CXCL16: variants seen among roughly 807,000 people sequenced by gnomAD.
The protein encoded by CXCL16 is C-X-C motif chemokine ligand 16.
A neutral mutation model predicts 23.8 loss-of-function variants in CXCL16; 18 were observed. That is an observed-to-expected ratio of 0.76 (90% CI 0.52 to 1.12). The LOEUF (loss-of-function observed/expected upper bound fraction) is 1.12, where lower values mean the gene tolerates loss of function less well. Ranked by LOEUF, CXCL16 falls within the 50% of genes most tolerant of loss-of-function variation. The pLI is 0.00. For synonymous variants in CXCL16, 123 were observed against 132.5 expected (o/e 0.93, Z 0.49); for missense variants, 297 against 315.4 (o/e 0.94, Z 0.44).
Position 4,739,002 on chromosome 17 carries a change from C to T in CXCL16, c.80-82G>A. 6.6e-7 allele frequency: 1 copy of T among 1,513,302 alleles called. No homozygotes were observed. The highest frequency in any genetic ancestry group is 8.9e-7 in the Non-Finnish European group (1 of 1,118,998). The allele number at this position is 1,513,302 out of a possible 1,614,324, so 93.7% of individuals were successfully genotyped here. On this transcript the variant is annotated intron_variant, in intron 1 of 5. Transcript: ENST00000293778. This position sits in a 1 kb window ranked among gnomAD's most constrained non-coding sequence, Gnocchi z 5.3. ...TGTTCCCTGGCATCCAATCCACAGC[C>T]CCATGACAGCCTCTCGGTGGACCCA...
At position 4,738,290 on chromosome 17, in the gene CXCL16, CAGA is replaced by C; in HGVS notation, c.301+115_301+117del. ...CGAGTCTAAGTACTTTGGACAGGATCAGAAGAAGGTTCTAGGAATGTGCGGCCC... is the reference window on the plus strand; with the variant it reads ...CGAGTCTAAGTACTTTGGACAGGATCAGAAGGTTCTAGGAATGTGCGGCCC... On this transcript the variant is annotated intron_variant, in intron 3 of 5. Coordinates refer to ENST00000293778, the MANE Select transcript of CXCL16 (RefSeq NM_001386809.1). This position sits in a 1 kb window ranked among gnomAD's most constrained non-coding sequence, Gnocchi z 4.0. 3 of 757,528 alleles carry C rather than the reference CAGA, an allele frequency of 4.0e-6. No homozygotes were observed. Among genetic ancestry groups the C allele is most frequent in the African/African-American group, 1.7e-5 (1 of 57,512 alleles). 46.9% of individuals were successfully genotyped at this position (757,528 alleles called of 1,614,324 possible). A position where few individuals can be genotyped will look rare whatever the true frequency, so the allele number is the denominator to read the frequency against.
chr17:4,738,257 CAG>C lies in CXCL16; in HGVS notation c.301+149_301+150del. ...GTGAATGATCACCCCGTTTGGCAAACAGGGACTCGAGTCTAAGTACTTTGGAC... is the reference window on the plus strand; with the variant it reads ...GTGAATGATCACCCCGTTTGGCAAACGGACTCGAGTCTAAGTACTTTGGAC... On this transcript the variant is annotated intron_variant, in intron 3 of 5. Transcript: ENST00000293778. This position sits in a 1 kb window ranked among gnomAD's most constrained non-coding sequence, Gnocchi z 4.0. 1 of 624,446 alleles carries C rather than the reference CAG, an allele frequency of 1.6e-6. No homozygotes were observed. 38.7% of individuals were successfully genotyped at this position (624,446 alleles called of 1,614,324 possible).
intron 4 of CXCL16, 107 bp downstream of exon 4, chr17:4,734,985 A>G (rs1567694604): frequency 1.1e-5 from 12 of 1,081,378 alleles, no homozygotes; most frequent in Non-Finnish European, 9.4e-6. Flanking sequence ...CAACCTTGAT[A>G]CTTGTGTGCC....
Position 4,739,742 on chromosome 17 carries a change from C to G in CXCL16, c.-403G>C, listed in dbSNP as rs943981832. On this transcript the variant is annotated 5_prime_UTR_variant, in exon 1 of 6. Transcript: ENST00000293778. The surrounding 1 kb of genome is among the most constrained non-coding windows in gnomAD (Gnocchi z 5.3). ...GGTTCAGGAGGCCGCCCGCCTGGCCCGTCCGCCGACCTGTGAGGCGGCTGC... is the reference window on the plus strand; with the variant it reads ...GGTTCAGGAGGCCGCCCGCCTGGCCGGTCCGCCGACCTGTGAGGCGGCTGC... 21 of 1,052,722 alleles carry G rather than the reference C, an allele frequency of 2.0e-5. No individual in the cohort carries two copies. In the African/African-American group the frequency reaches 2.5e-4, roughly 13 times the overall value. The allele number at this position is 1,052,722 out of a possible 1,614,324, so 65.2% of individuals were successfully genotyped here. A position where few individuals can be genotyped will look rare whatever the true frequency, so the allele number is the denominator to read the frequency against.
At position 4,739,453 on chromosome 17, in the gene CXCL16, A is replaced by G. The variant is rs1489987951; in HGVS notation, c.-114T>C. On this transcript the variant is annotated 5_prime_UTR_variant, in exon 1 of 6. Transcript: ENST00000293778. This position sits in a 1 kb window ranked among gnomAD's most constrained non-coding sequence, Gnocchi z 5.3. The stretch of plus-strand genomic sequence containing the variant: ...AATGGCTTTCGCCGGGGACCGGAGG[A>G]GACGGCGGCCGGAGAGGAGGCGCGA... 1 of 1,529,910 alleles carries G rather than the reference A, an allele frequency of 6.5e-7. No individual in the cohort carries two copies. The highest frequency in any genetic ancestry group is 2.3e-5 in the East Asian group (1 of 43,544). The allele number at this position is 1,529,910 out of a possible 1,614,324, so 94.8% of individuals were successfully genotyped here. A position where few individuals can be genotyped will look rare whatever the true frequency, so the allele number is the denominator to read the frequency against.
In CXCL16 at chr17:4,738,841, C is replaced by T. The variant is rs200171443; in HGVS notation, c.159G>A (p.Gln53=). Reference sequence around the variant, plus strand: ...GGTGTTTCCGGAGACGATTCATGAACTGAACCGATGGCGGGGAGTCGGAAG... The same window carrying T: ...GGTGTTTCCGGAGACGATTCATGAATTGAACCGATGGCGGGGAGTCGGAAG... ...RISSDSPPSV[Q]FMNRLRKHLR... is the part of the protein sequence containing the mutation. Residue 53 remains glutamine, a synonymous_variant, in exon 2 of 6, where the codon CAG becomes CAA. Transcript: ENST00000293778. The surrounding 1 kb of genome is among the most constrained non-coding windows in gnomAD (Gnocchi z 4.0). The T allele has an allele frequency of 7.4e-6, 12 of 1,614,192 alleles. No individual in the cohort carries two copies. The East Asian group carries it at 2.7e-4, about 36-fold the overall frequency.
intron 3 of CXCL16, among the ~76,000 whole-genome samples, chr17:4,737,715 A>G (rs1916197479): frequency 6.6e-6 from 1 of 151,122 alleles, no homozygotes; most frequent in South Asian, 2.1e-4. Flanking sequence ...ATATATGTTT[A>G]TGTAAATATG....
chr17:4,738,710 A>C lies in CXCL16; in HGVS notation c.218+72T>G, dbSNP rs986461579. Reference sequence around the variant, plus strand: ...GCCGGGAAGGAGTTCAGGCTGGACCAGAGAGGGTCCTGGAGGCACCTGCAA... The same window carrying C: ...GCCGGGAAGGAGTTCAGGCTGGACCCGAGAGGGTCCTGGAGGCACCTGCAA... On this transcript the variant is annotated intron_variant, in intron 2 of 5. Coordinates refer to ENST00000293778, the MANE Select transcript of CXCL16 (RefSeq NM_001386809.1). The surrounding 1 kb of genome is among the most constrained non-coding windows in gnomAD (Gnocchi z 4.0). The C allele has an allele frequency of 2.0e-6, 3 of 1,504,708 alleles. No homozygotes were observed. The African/African-American group carries it at 4.1e-5, about 21-fold the overall frequency. The allele number at this position is 1,504,708 out of a possible 1,614,324, so 93.2% of individuals were successfully genotyped here. A position where few individuals can be genotyped will look rare whatever the true frequency, so the allele number is the denominator to read the frequency against.
Position 4,738,446 on chromosome 17 carries a change from G to C in CXCL16, c.263C>G (p.Pro88Arg). 1 of 1,614,064 alleles carries C rather than the reference G, an allele frequency of 6.2e-7. No individual in the cohort carries two copies. The highest frequency in any genetic ancestry group is 8.5e-7 in the Non-Finnish European group (1 of 1,179,910). The change falls in exon 3 of 6, where the codon CCA (proline) becomes CGA (arginine). Residue 88 changes from proline (P) to arginine (R), a missense_variant. Physicochemically the swap from Pro to Arg is moderately radical, Grantham distance 103 (BLOSUM62 -2). Coordinates refer to ENST00000293778, the MANE Select transcript of CXCL16 (RefSeq NM_001386809.1). The surrounding 1 kb of genome is among the most constrained non-coding windows in gnomAD (Gnocchi z 4.0). ...ACAGCTCATCAATTCCTGAACCCAT[G>C]GGTCCTTGTTGCCCCCACACACGCT... Reference protein sequence around the residue: ...SWSVCGGNKDPWVQELMSCLD... With the variant: ...SWSVCGGNKDRWVQELMSCLD...
chr17:4,737,266 G>A (rs1597499285), intron 3 of CXCL16, among the ~76,000 whole-genome samples: 1 of 152,010 alleles, frequency 6.6e-6, no homozygotes, highest in Non-Finnish European at 1.5e-5. Context: ...GTGCAATGAT[G>A]TCCACAATCT....
Position 4,739,195 on chromosome 17 carries a change from C to CA in CXCL16, c.79+65_79+66insT. 6 of 1,534,474 alleles carry CA rather than the reference C, an allele frequency of 3.9e-6. No homozygotes were observed. The highest frequency in any genetic ancestry group is 5.3e-6 in the Non-Finnish European group (6 of 1,133,260). On this transcript the variant is annotated intron_variant, in intron 1 of 5. Coordinates refer to ENST00000293778, the MANE Select transcript of CXCL16 (RefSeq NM_001386809.1). The surrounding 1 kb of genome is among the most constrained non-coding windows in gnomAD (Gnocchi z 5.3). The stretch of plus-strand genomic sequence containing the variant: ...CACTCAACTCCGTGGGCCTCGTGTC[C>CA]CCTCCCCAACTCACCCCCTTCCCGT...
chr17:4,738,942 G>C lies in CXCL16; in HGVS notation c.80-22C>G. On this transcript the variant is annotated intron_variant, in intron 1 of 5. Transcript: ENST00000293778. The surrounding 1 kb of genome is among the most constrained non-coding windows in gnomAD (Gnocchi z 4.0). Reference sequence around the variant, plus strand: ...TTGCCTGCGCGGGACGGAGGTGGTCGGCACCCATTCCCAGGCCCAGGGTCC... The same window carrying C: ...TTGCCTGCGCGGGACGGAGGTGGTCCGCACCCATTCCCAGGCCCAGGGTCC... 1 of 1,611,260 alleles carries C rather than the reference G, an allele frequency of 6.2e-7. No individual in the cohort carries two copies. Among genetic ancestry groups the C allele is most frequent in the Non-Finnish European group, 8.5e-7 (1 of 1,178,608 alleles).
chr17:4,734,588 C>A lies in CXCL16; in HGVS notation c.*18G>T. ...AAGAATAAGCCACAGTTTACCCTCA[C>A]AAGCTTCCATTCTTGGCTCAGGTAT... On this transcript the variant is annotated 3_prime_UTR_variant, in exon 5 of 6. Transcript: ENST00000293778. The A allele has an allele frequency of 6.3e-7, 1 of 1,599,892 alleles. No individual in the cohort carries two copies. Among genetic ancestry groups the A allele is most frequent in the Non-Finnish European group, 8.6e-7 (1 of 1,167,126 alleles).
rs1196597132 is a variant in CXCL16 at position 4,739,088 on chromosome 17, G to T, written c.80-168C>A. 4.2e-6 allele frequency: 5 copies of T among 1,198,648 alleles called. No individual in the cohort carries two copies. The South Asian group carries it at 4.6e-5, about 11-fold the overall frequency. The allele number at this position is 1,198,648 out of a possible 1,614,324, so 74.3% of individuals were successfully genotyped here. A position where few individuals can be genotyped will look rare whatever the true frequency, so the allele number is the denominator to read the frequency against. On this transcript the variant is annotated intron_variant, in intron 1 of 5. Transcript: ENST00000293778. This position sits in a 1 kb window ranked among gnomAD's most constrained non-coding sequence, Gnocchi z 5.3. The stretch of plus-strand genomic sequence containing the variant: ...CGCCCCCGACAACATCCATAATCCC[G>T]CCCGGAGCCAGGCGTCCCCGGGCCT...
At position 4,734,403 on chromosome 17, in the gene CXCL16, G is replaced by A. The variant is rs11658971; in HGVS notation, c.*100C>T. ...GTGGTAGGTGACGCCTATAATCCTC[G>A]CACCTTCAGAGGCCAAGGTGGGAGG... is the stretch of plus-strand genomic sequence containing the variant. On this transcript the variant is annotated 3_prime_UTR_variant, in exon 6 of 6. Coordinates refer to ENST00000293778, the MANE Select transcript of CXCL16 (RefSeq NM_001386809.1). 61,764 of 485,022 alleles carry A rather than the reference G, an allele frequency of 0.13. 4,675 individuals carry two copies. Among genetic ancestry groups the A allele is most frequent in the African/African-American group, 0.24 (12,169 of 51,106 alleles). 30.0% of individuals were successfully genotyped at this position (485,022 alleles called of 1,614,324 possible). A position where few individuals can be genotyped will look rare whatever the true frequency, so the allele number is the denominator to read the frequency against.
rs1411447430 is a variant in CXCL16 at position 4,733,625 on chromosome 17, T to C, written c.*878A>G. 4.3e-5 allele frequency: 7 copies of C among 162,624 alleles called. No homozygotes were observed. In the East Asian group the frequency reaches 1.3e-3, roughly 30 times the overall value. The allele number at this position is 162,624 out of a possible 1,614,324, so 10.1% of individuals were successfully genotyped here. ...AATAAAAACAAGATCAGACTCTCACTGGGGTAGGCAAGGGACTGAGGAGGT... is the reference window on the plus strand; with the variant it reads ...AATAAAAACAAGATCAGACTCTCACCGGGGTAGGCAAGGGACTGAGGAGGT... On this transcript the variant is annotated 3_prime_UTR_variant, in exon 6 of 6. Coordinates refer to ENST00000293778, the MANE Select transcript of CXCL16 (RefSeq NM_001386809.1).
chr17:4,733,866 T>A lies in CXCL16; in HGVS notation c.*637A>T, dbSNP rs1004749670. On this transcript the variant is annotated 3_prime_UTR_variant, in exon 6 of 6. Coordinates refer to ENST00000293778, the MANE Select transcript of CXCL16 (RefSeq NM_001386809.1). ...AGGGCGCAAGGGCTGAGGCCAGTTG[T>A]TTCCATAAAGAAGACTCAATCATTA... 6.6e-6 allele frequency: 1 copy of A among 152,576 alleles called. No homozygotes were observed. Among genetic ancestry groups the A allele is most frequent in the Non-Finnish European group, 1.5e-5 (1 of 68,248 alleles). 9.5% of individuals were successfully genotyped at this position (152,576 alleles called of 1,614,324 possible).
chr17:4,739,480 C>T lies in CXCL16; in HGVS notation c.-141G>A. The T allele has an allele frequency of 8.0e-7, 1 of 1,252,546 alleles. No homozygotes were observed. Among genetic ancestry groups the T allele is most frequent in the Non-Finnish European group, 1.1e-6 (1 of 888,250 alleles). 77.6% of individuals were successfully genotyped at this position (1,252,546 alleles called of 1,614,324 possible). A position where few individuals can be genotyped will look rare whatever the true frequency, so the allele number is the denominator to read the frequency against. ...ACGGCGGCCGGAGAGGAGGCGCGAG[C>T]CAGCTGCACCCCCCGGCCCTGCTGT... On this transcript the variant is annotated 5_prime_UTR_variant, in exon 1 of 6. Transcript: ENST00000293778. This position sits in a 1 kb window ranked among gnomAD's most constrained non-coding sequence, Gnocchi z 5.3.
Position 4,739,551 on chromosome 17 carries a change from T to C in CXCL16, c.-212A>G. On this transcript the variant is annotated 5_prime_UTR_variant, in exon 1 of 6. Transcript: ENST00000293778. This position sits in a 1 kb window ranked among gnomAD's most constrained non-coding sequence, Gnocchi z 5.3. ...ACTCGGCCCGCGCCATGCCAGCCTC[T>C]GGACGCAGGGAAAGCCGAGGAGGTG... is the stretch of plus-strand genomic sequence containing the variant. 1 of 734,042 alleles carries C rather than the reference T, an allele frequency of 1.4e-6. No homozygotes were observed. Among genetic ancestry groups the C allele is most frequent in the Non-Finnish European group, 2.1e-6 (1 of 476,186 alleles). 45.5% of individuals were successfully genotyped at this position (734,042 alleles called of 1,614,324 possible). A position where few individuals can be genotyped will look rare whatever the true frequency, so the allele number is the denominator to read the frequency against.
Sources: allele counts gnomAD v4.1 joint callset (sites outside exome capture counted in the v4.1 genomes callset), GRCh38; gene constraint gnomAD v4.1.1; non-coding constraint Gnocchi (gnomAD v3.1); transcripts MANE v1.5; gene names NCBI Gene and HGNC (gene_info 2026-07-23, HGNC 2026-07-21).